The following RPTOR variants were observed in gnomAD, a reference collection of about 807,000 sequenced individuals.
The protein encoded by RPTOR is regulatory associated protein of MTOR complex 1, also known as regulatory-associated protein of mTOR.
RPTOR carries 21 observed loss-of-function variants against 169.9 expected under a neutral mutation model. That is an observed-to-expected ratio of 0.12 (90% CI 0.09 to 0.18). The LOEUF (loss-of-function observed/expected upper bound fraction) is 0.18. RPTOR is among the 10% of genes least tolerant of loss of function. The probability of loss-of-function intolerance (pLI) is 1.00; values close to 1 mark genes in which losing one functional copy is unlikely to be tolerated. For missense variants in RPTOR, 1,133 were observed against 1,855.9 expected (o/e 0.61, Z 7.16); for synonymous variants, 732 against 753.2 (o/e 0.97, Z 0.46).
At chr17:80,920,238 A>G (rs796204477) in intron 21 of RPTOR, among the ~76,000 whole-genome samples, 2 of 152,186 alleles carry the variant, frequency 1.3e-5, no homozygotes, top group African/African-American at 4.8e-5. Flanking sequence ...CACGCTACTC[A>G]TGTTCACAAT....
At chr17:80,763,570 A>G (rs1222144402) in intron 6 of RPTOR, among the ~76,000 whole-genome samples, 3 of 152,250 alleles carry the variant, frequency 2.0e-5, no homozygotes, top group Non-Finnish European at 4.4e-5. Flanking sequence ...CCAAGTACAG[A>G]CAAAGGAAGC....
chr17:80,739,064 C>A (rs2066459152), intron 5 of RPTOR, among the ~76,000 whole-genome samples: 1 of 152,230 alleles, frequency 6.6e-6, no homozygotes, highest in Non-Finnish European at 1.5e-5. Flanking sequence ...TGATGGCCAG[C>A]ACCATGGGTT....
chr17:80,868,484 G>A (rs990252911), intron 13 of RPTOR, among the ~76,000 whole-genome samples: 1 of 152,188 alleles, frequency 6.6e-6, no homozygotes, highest in Non-Finnish European at 1.5e-5. Context: ...ATCAAGTGTC[G>A]GCAAGGCCGT....
At chr17:80,750,644 T>C (rs2066621805) in intron 5 of RPTOR, among the ~76,000 whole-genome samples, 1 of 152,244 alleles carries the variant, frequency 6.6e-6, no homozygotes, top group South Asian at 2.1e-4. Flanking sequence ...GGACCCATCA[T>C]CTGGCTTAGT....
intron 25 of RPTOR, among the ~76,000 whole-genome samples, chr17:80,943,662 C>T (rs966849972): frequency 1.3e-5 from 2 of 152,082 alleles, no homozygotes; most frequent in Non-Finnish European, 2.9e-5. Flanking sequence ...ACAAGCCCAC[C>T]ACTCCCCACA....
chr17:80,756,005 T>C (rs1309415142), intron 6 of RPTOR, among the ~76,000 whole-genome samples: 3 of 152,092 alleles, frequency 2.0e-5, no homozygotes, highest in Admixed American at 6.5e-5. Context: ...ATACATACAA[T>C]CAAAGAAATA....
chr17:80,959,577 C>G lies in RPTOR; in HGVS notation c.3478-501C>G, dbSNP rs1251514279. On this transcript the variant is annotated intron_variant, in intron 29 of 33. Transcript: ENST00000306801. The surrounding 1 kb of genome is among the most constrained non-coding windows in gnomAD (Gnocchi z 6.7). ...TGCCATCGCCCCCGCCCCCGCTTCT[C>G]CAGCACTTAGAGCCCCCGAGGGAGC... Among the ~76,000 whole-genome samples, 2 of 152,238 alleles carry G rather than the reference C, an allele frequency of 1.3e-5. 1 individual carries two copies. The highest frequency in any genetic ancestry group is 2.9e-5 in the Non-Finnish European group (2 of 68,044).
chr17:80,826,362 C>A (rs1461443273), intron 9 of RPTOR, among the ~76,000 whole-genome samples: 1 of 152,324 alleles, frequency 6.6e-6, no homozygotes, highest in South Asian at 2.1e-4. Flanking sequence ...TCTCCTCATC[C>A]GGGAAAGTGA....
rs1011892511 is a variant in RPTOR, at chr17:80,823,433, C to T, written c.1136+210C>T. 2.0e-5 allele frequency: 11 copies of T among 562,794 alleles called. No individual in the cohort carries two copies. The highest frequency in any genetic ancestry group is 3.3e-5 in the Non-Finnish European group (11 of 337,360). 34.9% of individuals were successfully genotyped at this position (562,794 alleles called of 1,614,324 possible). A position where few individuals can be genotyped will look rare whatever the true frequency, so the allele number is the denominator to read the frequency against. On this transcript the variant is annotated intron_variant, in intron 9 of 33. Transcript: ENST00000306801. The surrounding 1 kb of genome is among the most constrained non-coding windows in gnomAD (Gnocchi z 4.5). ...TTCAGAGGGCAGAAGCCTTGGAGGG[C>T]CTTTTAGGACTGCACGGGAGCAGCG...
At chr17:80,962,687 G>C in intron 32 of RPTOR, 110 bp downstream of exon 32, 1 of 1,133,954 alleles carries the variant, frequency 8.8e-7, no homozygotes, top group South Asian at 1.4e-5. Flanking sequence ...GGCAGGGGAG[G>C]ATTTCACTGC....
intron 7 of RPTOR, among the ~76,000 whole-genome samples, chr17:80,795,691 G>A (rs767836134): frequency 2.0e-5 from 3 of 152,088 alleles, no homozygotes; most frequent in Non-Finnish European, 2.9e-5. Flanking sequence ...GTTGGAGTCC[G>A]AGCAGCTCCA....
At chr17:80,930,503 T>TCATATCATCCC (rs2068883244) in intron 24 of RPTOR, among the ~76,000 whole-genome samples, 1 of 8,756 alleles carries the variant, frequency 1.1e-4, no homozygotes, top group Non-Finnish European at 2.6e-4. Flanking sequence ...CAGCTCATCC[T>TCATATCATCCC]CAGCTCATCT....
chr17:80,756,948 G>A (rs2066686664), intron 6 of RPTOR, among the ~76,000 whole-genome samples: 1 of 152,164 alleles, frequency 6.6e-6, no homozygotes, highest in African/African-American at 2.4e-5. Flanking sequence ...GAAGAACAAA[G>A]CAGAAATAGG....
chr17:80,683,221 G>GC (rs1243636902), intron 3 of RPTOR, among the ~76,000 whole-genome samples: 1 of 152,156 alleles, frequency 6.6e-6, no homozygotes, highest in African/African-American at 2.4e-5. Context: ...CCTCAGCTTT[G>GC]CTTTCTCAGT....
In RPTOR at chr17:80,959,321, T is replaced by A. The variant is rs1446882805; in HGVS notation, c.3478-757T>A. 1.3e-5 allele frequency among the ~76,000 whole-genome samples: 2 copies of A among 151,990 alleles called. No homozygotes were observed. The highest frequency in any genetic ancestry group is 3.9e-4 in the East Asian group (2 of 5,170). ...CTGATCCTCAGGGTCTGGTCACCAG[T>A]GGGGGCTTAGAGGCCCAGGTGGCCT... On this transcript the variant is annotated intron_variant, in intron 29 of 33. Coordinates refer to ENST00000306801, the MANE Select transcript of RPTOR (RefSeq NM_020761.3). This position sits in a 1 kb window ranked among gnomAD's most constrained non-coding sequence, Gnocchi z 6.7.
chr17:80,960,089 G>A lies in RPTOR; in HGVS notation c.3489G>A (p.Thr1163=), dbSNP rs377182714. 4.2e-5 allele frequency: 68 copies of A among 1,613,630 alleles called. 1 individual carries two copies. Among genetic ancestry groups the A allele is most frequent in the South Asian group, 2.4e-4 (22 of 91,086 alleles). The change falls in exon 30 of 34, where the codon ACG becomes ACA. Residue 1163 remains threonine (T), a synonymous_variant. Transcript: ENST00000306801. The surrounding 1 kb of genome is among the most constrained non-coding windows in gnomAD (Gnocchi z 4.8). ...GTGTTTGGCTCTAGGACATCCCTAC[G>A]GGCGCAGACAGCTGTGTGACGAGTC... is the stretch of plus-strand genomic sequence containing the variant. The part of the protein sequence containing the change: ...DREMKVQDIP[T]GADSCVTSLS...
intron 20 of RPTOR, among the ~76,000 whole-genome samples, chr17:80,902,744 A>T (rs143922804): frequency 6.6e-6 from 1 of 152,192 alleles, no homozygotes; most frequent in African/African-American, 2.4e-5. Flanking sequence ...ACACCCATGC[A>T]TGTGGCCCCA....
intron 1 of RPTOR, among the ~76,000 whole-genome samples, chr17:80,582,934 C>T (rs567562853): frequency 7.6e-5 from 11 of 143,824 alleles, no homozygotes; most frequent in South Asian, 4.4e-4. Flanking sequence ...TTTTTTGAGA[C>T]GGGGTCCCAC....
intron 1 of RPTOR, among the ~76,000 whole-genome samples, chr17:80,588,664 T>G (rs1161599776): frequency 3.9e-5 from 6 of 152,246 alleles, no homozygotes. Flanking sequence ...CTAATGAAAT[T>G]ACACACCTTT....
Sources: gnomAD v4.1 joint callset for allele counts (sites outside exome capture counted in the v4.1 genomes callset) on GRCh38, gnomAD v4.1.1 for gene constraint, Gnocchi (gnomAD v3.1) non-coding constraint, MANE v1.5 for transcripts, NCBI Gene and HGNC (gene_info 2026-07-23, HGNC 2026-07-21) for gene names.